Variants in GFRA1 observed in about 807,000 individuals in gnomAD.
The protein encoded by GFRA1 is GDNF family receptor alpha 1.
Under a neutral mutation model 51.6 loss-of-function variants are expected in GFRA1, and 16 were observed. The observed-to-expected ratio is 0.31, with a 90% CI of 0.21 to 0.47. The LOEUF (loss-of-function observed/expected upper bound fraction) is 0.47. GFRA1 is among the 20% of genes least tolerant of loss of function. The pLI is 1.00. For missense variants in GFRA1, 530 were observed against 594.3 expected (o/e 0.89, Z 1.13); for synonymous variants, 270 against 241.3 (o/e 1.12, Z -1.10).
At chr10:116,246,416 A>G (rs1967868675) in intron 4 of GFRA1, among the ~76,000 whole-genome samples, 1 of 152,186 alleles carries the variant, frequency 6.6e-6, no homozygotes, top group Non-Finnish European at 1.5e-5. Context: ...GGGCAACAAG[A>G]GCAAGACTCC....
intron 5 of GFRA1, among the ~76,000 whole-genome samples, chr10:116,131,154 C>T (rs990067404): frequency 1.3e-5 from 2 of 152,178 alleles, no homozygotes; most frequent in Admixed American, 1.3e-4. Context: ...GGCCAAGTAG[C>T]ATCTGAAATG....
At chr10:116,217,054 G>A (rs897149553) in intron 4 of GFRA1, among the ~76,000 whole-genome samples, 3 of 152,092 alleles carry the variant, frequency 2.0e-5, no homozygotes, top group Admixed American at 1.3e-4. Context: ...TTGAAAAGTG[G>A]GGCCCATCAA....
chr10:116,064,901 A>T (rs1308935884), intron 10 of GFRA1, among the ~76,000 whole-genome samples: 1 of 152,202 alleles, frequency 6.6e-6, no homozygotes, highest in African/African-American at 2.4e-5. Context: ...CGTTGGAGAC[A>T]GGCAGAGCAG....
Position 116,125,488 on chromosome 10 carries a change from T to C in GFRA1, c.503A>G (p.Lys168Arg). ...AKACNLDDICKKYRSAYITPC... is the reference protein window; with the variant it reads ...AKACNLDDICRKYRSAYITPC... ...GGTGATGTACGCCGACCTGTACTTC[T>C]TGCAAATGTCGTCGAGGTTGCAGGC... Residue 168 changes from lysine (K) to arginine (R), a missense_variant, in exon 6 of 11, where the codon AAG (lysine) becomes AGG (arginine). Physicochemically the swap from Lys to Arg is conservative, Grantham distance 26. Transcript: ENST00000355422. 6.2e-7 allele frequency: 1 copy of C among 1,614,198 alleles called. No homozygotes were observed. The highest frequency in any genetic ancestry group is 8.5e-7 in the Non-Finnish European group (1 of 1,180,028).
rs147030173 is a variant in GFRA1, at chr10:116,082,583, C to A, written c.1197+7158G>T. 8.0e-3 allele frequency among the ~76,000 whole-genome samples: 1,212 copies of A among 152,162 alleles called. 17 individuals carry two copies. Among genetic ancestry groups the A allele is most frequent in the African/African-American group, 0.027 (1,138 of 41,516 alleles). On this transcript the variant is annotated intron_variant, in intron 9 of 10. Coordinates refer to ENST00000355422, the MANE Select transcript of GFRA1 (RefSeq NM_005264.8). ...ACAACCTCCGCCTCCCGGATTCAAG[C>A]GATTCTCCTGCTTCAGCCTCCTGAG...
At chr10:116,223,401 G>A (rs1480690440) in intron 4 of GFRA1, among the ~76,000 whole-genome samples, 1 of 152,204 alleles carries the variant, frequency 6.6e-6, no homozygotes, top group East Asian at 1.9e-4. Flanking sequence ...TGAACTACAG[G>A]TATTTCATCA....
chr10:116,205,524 G>A (rs1964664951), intron 5 of GFRA1, among the ~76,000 whole-genome samples: 1 of 151,002 alleles, frequency 6.6e-6, no homozygotes, highest in South Asian at 2.1e-4. Context: ...GCAGTGAGCT[G>A]AGAACGCACC....
At chr10:116,212,288 G>C (rs1965250937) in intron 4 of GFRA1, among the ~76,000 whole-genome samples, 1 of 152,066 alleles carries the variant, frequency 6.6e-6, no homozygotes, top group African/African-American at 2.4e-5. Context: ...GAGAGGCTGA[G>C]GCAGGCGGAT....
At chr10:116,162,361 C>T (rs1348957811) in intron 5 of GFRA1, among the ~76,000 whole-genome samples, 1 of 152,212 alleles carries the variant, frequency 6.6e-6, no homozygotes, top group East Asian at 1.9e-4. Flanking sequence ...TGTATCTCGC[C>T]ACAGGCCAAA....
chr10:116,151,598 T>A (rs1959066456), intron 5 of GFRA1, among the ~76,000 whole-genome samples: 1 of 151,830 alleles, frequency 6.6e-6, no homozygotes, highest in Non-Finnish European at 1.5e-5. Flanking sequence ...TAAGCTCCAA[T>A]GGGAAAATAG....
chr10:116,206,387 G>A (rs912119261), intron 5 of GFRA1, among the ~76,000 whole-genome samples: 3 of 152,068 alleles, frequency 2.0e-5, no homozygotes, highest in South Asian at 4.1e-4. Context: ...TTTGAAATAC[G>A]CAAAAGAGCT....
chr10:116,152,143 G>A (rs892624186), intron 5 of GFRA1, among the ~76,000 whole-genome samples: 3 of 152,168 alleles, frequency 2.0e-5, no homozygotes, highest in African/African-American at 7.2e-5. Context: ...AAAGGAGTTT[G>A]GATATGATTC....
intron 5 of GFRA1, among the ~76,000 whole-genome samples, chr10:116,179,760 G>A (rs973164208): frequency 3.9e-5 from 6 of 152,212 alleles, no homozygotes; most frequent in Non-Finnish European, 7.3e-5. Context: ...CCTCTAAATA[G>A]TGGCTAGAGG....
intron 4 of GFRA1, among the ~76,000 whole-genome samples, chr10:116,219,156 A>G (rs1176834720): frequency 6.6e-6 from 1 of 152,136 alleles, no homozygotes; most frequent in Non-Finnish European, 1.5e-5. Context: ...GTGAGCCCCT[A>G]TCATTTTTAT....
At chr10:116,142,401 C>CTTTTATAAG (rs942059890) in intron 5 of GFRA1, among the ~76,000 whole-genome samples, 1 of 152,080 alleles carries the variant, frequency 6.6e-6, no homozygotes, top group Non-Finnish European at 1.5e-5. Context: ...AGTTGAAGCC[C>CTTTTATAAG]TTTTATAAGT....
intron 4 of GFRA1, chr10:116,255,507 CAAAA>C: frequency 4.7e-6 from 3 of 636,832 alleles, no homozygotes; most frequent in South Asian, 3.5e-5. Flanking sequence ...AAAAAAAAAA[CAAAA>C]AAAAAAACAC....
chr10:116,228,017 G>A (rs1005888320), intron 4 of GFRA1, among the ~76,000 whole-genome samples: 28 of 152,200 alleles, frequency 1.8e-4, no homozygotes, highest in Admixed American at 6.5e-5. Flanking sequence ...CCAGTTTGTG[G>A]CTTGAGGCAT....
At position 116,246,746 on chromosome 10, in the gene GFRA1, T is replaced by C. The variant is rs115033190; in HGVS notation, c.418+22757A>G. Among the ~76,000 whole-genome samples, 1,235 of 152,276 alleles carry C rather than the reference T, an allele frequency of 8.1e-3. 19 individuals are homozygous for C. Among genetic ancestry groups the C allele is most frequent in the African/African-American group, 0.028 (1,164 of 41,560 alleles). On this transcript the variant is annotated intron_variant, in intron 4 of 10. Transcript: ENST00000355422. ...GACTACTTAATAGCAAAAGTGAATTTTGAAGGATTTCAAAACAAGGTGAAA... is the reference window on the plus strand; with the variant it reads ...GACTACTTAATAGCAAAAGTGAATTCTGAAGGATTTCAAAACAAGGTGAAA...
intron 5 of GFRA1, among the ~76,000 whole-genome samples, chr10:116,208,257 T>C (rs2134427762): frequency 6.6e-6 from 1 of 152,130 alleles, no homozygotes; most frequent in Middle Eastern, 3.4e-3. Context: ...GTGGTCCTAG[T>C]AGCCACTGGC....
Sources: gnomAD v4.1 joint callset for allele counts (sites outside exome capture counted in the v4.1 genomes callset) on GRCh38, gnomAD v4.1.1 for gene constraint, MANE v1.5 for transcripts, NCBI Gene and HGNC (gene_info 2026-07-23, HGNC 2026-07-21) for gene names.